QSOX1: variants seen among roughly 807,000 people sequenced by gnomAD.
The protein encoded by QSOX1 is sulfhydryl oxidase 1.
QSOX1 carries 40 observed loss-of-function variants against 76.1 expected under a neutral mutation model. The ratio of observed to expected loss-of-function variants is 0.53; its 90% confidence interval spans 0.41 to 0.68. The LOEUF is 0.68. QSOX1 is among the 30% of genes least tolerant of loss of function. The pLI, the probability that QSOX1 is intolerant of heterozygous loss-of-function variation, is 0.00. For missense variants in QSOX1, 931 were observed against 974.3 expected, an observed-to-expected ratio of 0.96 and a Z score of 0.59; for synonymous variants, 392 against 413.1, an observed-to-expected ratio of 0.95 and a Z score of 0.62.
Position 180,200,160 on chromosome 1 carries a change from A to T in QSOX1, c.*3123A>T, listed in dbSNP as rs1663603759. 6.6e-6 allele frequency: 1 copy of T among 152,166 alleles called. No homozygotes were observed. The highest frequency in any genetic ancestry group is 1.5e-5 in the Non-Finnish European group (1 of 68,050). The allele number at this position is 152,166 out of a possible 1,614,324, so 9.4% of individuals were successfully genotyped here. A position where few individuals can be genotyped will look rare whatever the true frequency, so the allele number is the denominator to read the frequency against. On this transcript the variant is annotated 3_prime_UTR_variant, in exon 12 of 12. Coordinates refer to ENST00000367602, the MANE Select transcript of QSOX1 (RefSeq NM_002826.5). ...GGTTTGAATCCAGCTTCCAACACTCACTGGCTGTGTGACTTTGGGCAAGAT... is the reference window on the plus strand; with the variant it reads ...GGTTTGAATCCAGCTTCCAACACTCTCTGGCTGTGTGACTTTGGGCAAGAT...
At chr1:180,185,421 G>T (rs1663147064) in intron 7 of QSOX1, among the ~76,000 whole-genome samples, 1 of 152,224 alleles carries the variant, frequency 6.6e-6, no homozygotes, top group South Asian at 2.1e-4. Flanking sequence ...AGCATGATGG[G>T]CCTGGGGCCA....
intron 8 of QSOX1, 64 bp from the exon 9 acceptor site, chr1:180,189,488 T>C: frequency 9.1e-7 from 1 of 1,102,322 alleles, no homozygotes; most frequent in East Asian, 5.6e-5. Flanking sequence ...TCCTACCATC[T>C]GCAGGACGGG....
intron 2 of QSOX1, among the ~76,000 whole-genome samples, chr1:180,171,861 C>T (rs772029211): frequency 6.6e-6 from 1 of 152,184 alleles, no homozygotes; most frequent in Non-Finnish European, 1.5e-5. Context: ...AGGAGAGCAA[C>T]CACAAAATGT....
chr1:180,155,030 G>T lies in QSOX1; in HGVS notation c.123G>T (p.Pro41=). ...CGGCGCTCTATTCGCCTTCCGACCC[G>T]CTGACGCTGCTGCAGGCGGACACGG... The part of the protein sequence containing the change: ...PRSALYSPSD[P]LTLLQADTVR... The change falls in exon 1 of 12, where the codon CCG becomes CCT. Residue 41 remains proline, a synonymous_variant. Coordinates refer to ENST00000367602, the MANE Select transcript of QSOX1 (RefSeq NM_002826.5). The T allele has an allele frequency of 6.6e-7, 1 of 1,513,340 alleles. No individual in the cohort carries two copies. Among genetic ancestry groups the T allele is most frequent in the African/African-American group, 1.4e-5 (1 of 69,764 alleles). 93.7% of individuals were successfully genotyped at this position (1,513,340 alleles called of 1,614,324 possible).
intron 3 of QSOX1, among the ~76,000 whole-genome samples, chr1:180,175,612 T>C (rs1282349047): frequency 6.6e-6 from 1 of 152,200 alleles, no homozygotes; most frequent in African/African-American, 2.4e-5. Context: ...AGGGGCACCA[T>C]GTTCCCAGAA....
At chr1:180,156,971 C>T (rs1272903778) in intron 1 of QSOX1, among the ~76,000 whole-genome samples, 1 of 152,176 alleles carries the variant, frequency 6.6e-6, no homozygotes, top group Non-Finnish European at 1.5e-5. Context: ...GATTAGCTTC[C>T]AGCTGACTCA....
In QSOX1 at chr1:180,155,245, C is replaced by T. The variant is rs568332862; in HGVS notation, c.265+73C>T. 7 of 1,322,990 alleles carry T rather than the reference C, an allele frequency of 5.3e-6. 1 individual carries two copies. In the South Asian group the frequency reaches 8.1e-5, roughly 15 times the overall value. 82.0% of individuals were successfully genotyped at this position (1,322,990 alleles called of 1,614,324 possible). A position where few individuals can be genotyped will look rare whatever the true frequency, so the allele number is the denominator to read the frequency against. On this transcript the variant is annotated intron_variant, in intron 1 of 11. Coordinates refer to ENST00000367602, the MANE Select transcript of QSOX1 (RefSeq NM_002826.5). ...CCTCCACCTGCCCGGTGGGCAGCCTCCTACTCCGGGAGCGCGTCCCTCTTC... is the reference window on the plus strand; with the variant it reads ...CCTCCACCTGCCCGGTGGGCAGCCTTCTACTCCGGGAGCGCGTCCCTCTTC...
At chr1:180,169,766 C>T (rs964213082) in intron 2 of QSOX1, among the ~76,000 whole-genome samples, 3 of 152,222 alleles carry the variant, frequency 2.0e-5, no homozygotes, top group Admixed American at 6.5e-5. Flanking sequence ...TGCCCAGCAC[C>T]GCACTCACCA....
rs766152918 is a variant in QSOX1 at position 180,196,614 on chromosome 1, G to A, written c.1821G>A (p.Pro607=). Residue 607 remains proline (P), a synonymous_variant, in exon 12 of 12, where the codon CCG becomes CCA. Coordinates refer to ENST00000367602, the MANE Select transcript of QSOX1 (RefSeq NM_002826.5). This position sits in a 1 kb window ranked among gnomAD's most constrained non-coding sequence, Gnocchi z 4.1. ...AGGGACCTGAGGCAAGTCGACCCCC[G>A]AAGCTGCACCCTGGCCTCAGAGCTG... ...PAEGPEASRP[P]KLHPGLRAAP... The A allele has an allele frequency of 6.2e-6, 10 of 1,614,054 alleles. No homozygotes were observed. The highest frequency in any genetic ancestry group is 1.1e-5 in the South Asian group (1 of 91,090).
At chr1:180,170,719 T>A (rs1662742016) in intron 2 of QSOX1, among the ~76,000 whole-genome samples, 1 of 152,220 alleles carries the variant, frequency 6.6e-6, no homozygotes, top group Non-Finnish European at 1.5e-5. Context: ...GCCCCAGTGG[T>A]TGACTTAATA....
intron 6 of QSOX1, 22 bp from the exon 7 acceptor site, chr1:180,183,894 C>T: frequency 6.2e-7 from 1 of 1,607,214 alleles, no homozygotes; most frequent in Non-Finnish European, 8.5e-7. Context: ...TGCCTCTCCT[C>T]CCTGGTTCTG....
At chr1:180,166,715 T>G (rs1572040209) in intron 2 of QSOX1, 124 bp downstream of exon 2, 1 of 942,574 alleles carries the variant, frequency 1.1e-6, no homozygotes, top group East Asian at 2.6e-5. Context: ...AGCTGGGAGG[T>G]GATCATCACT....
chr1:180,176,728 T>C (rs1229431572), intron 4 of QSOX1, among the ~76,000 whole-genome samples: 1 of 152,216 alleles, frequency 6.6e-6, no homozygotes, highest in Non-Finnish European at 1.5e-5. Context: ...GATAGGATAA[T>C]GCCCACCTCG....
At position 180,202,815 on chromosome 1, in the gene QSOX1, A is replaced by G. The variant is rs1346993109; in HGVS notation, c.*5778A>G. On this transcript the variant is annotated 3_prime_UTR_variant, in exon 12 of 12. Transcript: ENST00000367602. ...GAAATAAGGCCAGGCACGGTGGCTC[A>G]CGCTTGTAATCCTAGCACTTTGGGA... is the stretch of plus-strand genomic sequence containing the variant. 2 of 152,204 alleles carry G rather than the reference A, an allele frequency of 1.3e-5. No homozygotes were observed. The highest frequency in any genetic ancestry group is 2.9e-5 in the Non-Finnish European group (2 of 68,040). The allele number at this position is 152,204 out of a possible 1,614,324, so 9.4% of individuals were successfully genotyped here.
In QSOX1 at chr1:180,202,647, T is replaced by C. The variant is rs1459934618; in HGVS notation, c.*5610T>C. The C allele has an allele frequency of 1.7e-5, 2 of 116,176 alleles. No homozygotes were observed. The allele number at this position is 116,176 out of a possible 1,614,324, so 7.2% of individuals were successfully genotyped here. On this transcript the variant is annotated 3_prime_UTR_variant, in exon 12 of 12. Transcript: ENST00000367602. ...CTCACCTTCATACCATATACCAAAA[T>C]ACATCTCAGTAGATTAGTAAGCTAA...
At chr1:180,186,845 AG>A (rs1231727497) in intron 8 of QSOX1, among the ~76,000 whole-genome samples, 1 of 152,230 alleles carries the variant, frequency 6.6e-6, no homozygotes, top group Non-Finnish European at 1.5e-5. Flanking sequence ...TGTTGTGGTC[AG>A]GCCTTGAGCC....
chr1:180,177,358 A>G (rs557682918), intron 4 of QSOX1, among the ~76,000 whole-genome samples: 2 of 151,544 alleles, frequency 1.3e-5, no homozygotes, highest in Admixed American at 6.6e-5. Flanking sequence ...GGTTCAAGCA[A>G]TTCTGCCGCC....
In QSOX1 at chr1:180,201,071, C is replaced by T. The variant is rs955658041; in HGVS notation, c.*4034C>T. On this transcript the variant is annotated 3_prime_UTR_variant, in exon 12 of 12. Transcript: ENST00000367602. Reference sequence around the variant, plus strand: ...TTGAAGGAGGGGAAGAAACCAGGTTCGTTGGGCGTGACCTTGGCTCAGCTC... The same window carrying T: ...TTGAAGGAGGGGAAGAAACCAGGTTTGTTGGGCGTGACCTTGGCTCAGCTC... 11 of 152,210 alleles carry T rather than the reference C, an allele frequency of 7.2e-5. No individual in the cohort carries two copies. The highest frequency in any genetic ancestry group is 2.7e-4 in the African/African-American group (11 of 41,452). The allele number at this position is 152,210 out of a possible 1,614,324, so 9.4% of individuals were successfully genotyped here.
intron 4 of QSOX1, among the ~76,000 whole-genome samples, chr1:180,177,918 C>T (rs1376815019): frequency 6.6e-6 from 1 of 152,078 alleles, no homozygotes; most frequent in African/African-American, 2.4e-5. Flanking sequence ...GCCTCAGTTT[C>T]CTCATCTTAA....
Sources: allele counts gnomAD v4.1 joint callset (sites outside exome capture counted in the v4.1 genomes callset), GRCh38; gene constraint gnomAD v4.1.1; non-coding constraint Gnocchi (gnomAD v3.1); transcripts MANE v1.5; gene names NCBI Gene and HGNC (gene_info 2026-07-23, HGNC 2026-07-21).